IKZF3: variants seen among roughly 807,000 people sequenced by gnomAD.
IKZF3 encodes zinc finger protein Aiolos.
A neutral mutation model predicts 49.0 loss-of-function variants in IKZF3; 10 were observed. The ratio of observed to expected loss-of-function variants is 0.20; its 90% CI spans 0.13 to 0.35. The LOEUF is 0.35. IKZF3 is among the 10% of genes least tolerant of loss of function. The pLI, the probability that IKZF3 is intolerant of heterozygous loss-of-function variation, is 1.00. For missense variants in IKZF3, 498 were observed against 664.8 expected (o/e 0.75, Z 2.76); for synonymous variants, 209 against 228.2 (o/e 0.92, Z 0.76).
chr17:39,850,801 A>C (rs1413361271), intron 1 of IKZF3, among the ~76,000 whole-genome samples: 5 of 125,698 alleles, frequency 4.0e-5, no homozygotes, highest in Admixed American at 1.7e-4. Flanking sequence ...CTAATATGCT[A>C]TATAGTATAT....
intron 1 of IKZF3, chr17:39,836,010 C>A: frequency 1.6e-6 from 1 of 638,236 alleles, no homozygotes; most frequent in South Asian, 1.5e-5. Flanking sequence ...CATGCTGCTC[C>A]AAGCTGTCTT....
intron 5 of IKZF3, 129 bp from the exon 6 acceptor site, chr17:39,788,503 T>C: frequency 3.2e-6 from 2 of 629,410 alleles, no homozygotes; most frequent in South Asian, 1.9e-5. Flanking sequence ...TGGATACTTT[T>C]GAATCTATAT....
In IKZF3 at chr17:39,763,505, A is replaced by G. The variant is rs993768529; in HGVS notation, c.*2285T>C. On this transcript the variant is annotated 3_prime_UTR_variant, in exon 8 of 8. Coordinates refer to ENST00000346872, the MANE Select transcript of IKZF3 (RefSeq NM_012481.5). Reference sequence around the variant, plus strand: ...TAATTTCTTAAAAAGTAAAAAAAAAAAGAAGGCTTTGGCAAACAGCTGCAT... The same window carrying G: ...TAATTTCTTAAAAAGTAAAAAAAAAGAGAAGGCTTTGGCAAACAGCTGCAT... 4.6e-5 allele frequency: 7 copies of G among 152,190 alleles called. No individual in the cohort carries two copies. Among genetic ancestry groups the G allele is most frequent in the African/African-American group, 7.2e-5 (3 of 41,432 alleles). 9.4% of individuals were successfully genotyped at this position (152,190 alleles called of 1,614,324 possible).
chr17:39,790,405 G>T (rs754697007), intron 5 of IKZF3, among the ~76,000 whole-genome samples: 8 of 152,168 alleles, frequency 5.3e-5, no homozygotes, highest in Non-Finnish European at 1.0e-4. Context: ...AGCTGTAAAA[G>T]AGAGAAACCC....
rs1396768376 is a variant in IKZF3, at chr17:39,765,245, G to A, written c.*545C>T. On this transcript the variant is annotated 3_prime_UTR_variant, in exon 8 of 8. Coordinates refer to ENST00000346872, the MANE Select transcript of IKZF3 (RefSeq NM_012481.5). ...GAAATGGATCTGATGCTTGGAGAAT[G>A]GGGTCTTCAGTTACTCGTAACAGAT... is the stretch of plus-strand genomic sequence containing the variant. The A allele has an allele frequency of 2.6e-5, 4 of 152,410 alleles. No individual in the cohort carries two copies. The highest frequency in any genetic ancestry group is 4.4e-5 in the Non-Finnish European group (3 of 68,128). 9.4% of individuals were successfully genotyped at this position (152,410 alleles called of 1,614,324 possible).
chr17:39,771,682 G>A (rs1007966297), intron 7 of IKZF3, among the ~76,000 whole-genome samples: 2 of 152,176 alleles, frequency 1.3e-5, no homozygotes. Context: ...GGAGTGCAGA[G>A]GGAGGATGGA....
rs28627663 is a variant in IKZF3 at position 39,842,995 on chromosome 17, C to T, written c.8-10844G>A. ...CACAAATCAAACCATAAAGAAACAA[C>T]CAAACTCGAATTTGCAGGGATAGTT... On this transcript the variant is annotated intron_variant, in intron 1 of 7. Coordinates refer to ENST00000346872, the MANE Select transcript of IKZF3 (RefSeq NM_012481.5). Among the ~76,000 whole-genome samples, 656 of 152,236 alleles carry T rather than the reference C, an allele frequency of 4.3e-3. 3 individuals are homozygous for T. The highest frequency in any genetic ancestry group is 0.015 in the African/African-American group (613 of 41,524).
At chr17:39,779,044 A>G (rs1161656553) in intron 6 of IKZF3, among the ~76,000 whole-genome samples, 1 of 152,258 alleles carries the variant, frequency 6.6e-6, no homozygotes, top group Admixed American at 6.5e-5. Context: ...TTTAAAATGC[A>G]GCCAGAATTG....
chr17:39,835,249 C>A (rs1282935287), intron 1 of IKZF3: 5 of 540,218 alleles, frequency 9.3e-6, no homozygotes, highest in African/African-American at 1.9e-5. Context: ...CTGTAGGTGG[C>A]GATCTCAATG....
intron 3 of IKZF3, among the ~76,000 whole-genome samples, chr17:39,793,220 G>C (rs920442999): frequency 6.6e-6 from 1 of 152,180 alleles, no homozygotes; most frequent in Non-Finnish European, 1.5e-5. Context: ...GCTCAAAGTG[G>C]CCATGAAACA....
At chr17:39,835,227 T>A in intron 1 of IKZF3, 1 of 527,190 alleles carries the variant, frequency 1.9e-6, no homozygotes, top group Non-Finnish European at 3.7e-6. Context: ...CTCCTTGCCC[T>A]CCAGCAACTT....
chr17:39,822,335 A>G (rs2061831772), intron 3 of IKZF3, among the ~76,000 whole-genome samples: 1 of 152,136 alleles, frequency 6.6e-6, no homozygotes, highest in African/African-American at 2.4e-5. Context: ...AGTGGGAGGT[A>G]AATGAATCAT....
rs1048795085 is a variant in IKZF3 at position 39,853,868 on chromosome 17, G to A, written c.7+10252C>T. 3.6e-4 allele frequency among the ~76,000 whole-genome samples: 54 copies of A among 150,228 alleles called. 1 individual carries two copies. Among genetic ancestry groups the A allele is most frequent in the Non-Finnish European group, 5.3e-4 (36 of 67,646 alleles). ...AAAAAGGAAGAACACGGTGGCTCAC[G>A]CCTGTAATCCCAGCACTTTGGGAGG... is the stretch of plus-strand genomic sequence containing the variant. On this transcript the variant is annotated intron_variant, in intron 1 of 7. Coordinates refer to ENST00000346872, the MANE Select transcript of IKZF3 (RefSeq NM_012481.5).
chr17:39,782,993 T>C (rs2060782626), intron 6 of IKZF3, among the ~76,000 whole-genome samples: 1 of 152,246 alleles, frequency 6.6e-6, no homozygotes, highest in Admixed American at 6.5e-5. Flanking sequence ...TCTTAATATT[T>C]GGTTTTAGTT....
chr17:39,829,372 C>G lies in IKZF3; in HGVS notation c.163+15G>C, dbSNP rs2062043770. 6.4e-7 allele frequency: 1 copy of G among 1,572,710 alleles called. No homozygotes were observed. The highest frequency in any genetic ancestry group is 1.3e-5 in the African/African-American group (1 of 74,166). On this transcript the variant is annotated intron_variant, in intron 3 of 7. Transcript: ENST00000346872. ...TCTACAGGCATCAGTGTTTAGTCTG[C>G]ACACTACGGCTCACCTCCTATGTCT...
chr17:39,845,892 A>C, intron 1 of IKZF3, among the ~76,000 whole-genome samples: 1 of 152,232 alleles, frequency 6.6e-6, no homozygotes, highest in African/African-American at 2.4e-5. Context: ...TCAGAGGGTA[A>C]AAATATCGAC....
Position 39,765,722 on chromosome 17 carries a change from G to A in IKZF3, c.*68C>T, listed in dbSNP as rs773644338. ...ACTGAGTATGTTTTGAGAGCAATCTGTTAGGCGAGGTCATTGGTTTTTAGA... is the reference window on the plus strand; with the variant it reads ...ACTGAGTATGTTTTGAGAGCAATCTATTAGGCGAGGTCATTGGTTTTTAGA... On this transcript the variant is annotated 3_prime_UTR_variant, in exon 8 of 8. Transcript: ENST00000346872. The A allele has an allele frequency of 2.8e-5, 34 of 1,209,270 alleles. No homozygotes were observed. Among genetic ancestry groups the A allele is most frequent in the Non-Finnish European group, 3.9e-5 (33 of 848,790 alleles). The allele number at this position is 1,209,270 out of a possible 1,614,324, so 74.9% of individuals were successfully genotyped here.
chr17:39,817,577 TAC>T (rs2061705793), intron 3 of IKZF3, among the ~76,000 whole-genome samples: 1 of 152,182 alleles, frequency 6.6e-6, no homozygotes, highest in African/African-American at 2.4e-5. Flanking sequence ...TAGCTGGGAC[TAC>T]AGTCTTGTGT....
In IKZF3 at chr17:39,765,936, G is replaced by A. The variant is rs1209605844; in HGVS notation, c.1384C>T (p.Leu462=). 1 of 1,614,146 alleles carries A rather than the reference G, an allele frequency of 6.2e-7. No homozygotes were observed. The highest frequency in any genetic ancestry group is 8.5e-7 in the Non-Finnish European group (1 of 1,180,058). Residue 462 remains leucine (L), a synonymous_variant, in exon 8 of 8, where the codon CTG becomes TTG. Coordinates refer to ENST00000346872, the MANE Select transcript of IKZF3 (RefSeq NM_012481.5). ...YRCDHCRVLF[L]DYVMFTIHMG... ...TGAATCGTGAACATCACATAGTCCAGGAAGAGGACGCGGCAGTGGTCACAC... is the reference window on the plus strand; with the variant it reads ...TGAATCGTGAACATCACATAGTCCAAGAAGAGGACGCGGCAGTGGTCACAC...
Sources: allele counts gnomAD v4.1 joint callset (sites outside exome capture counted in the v4.1 genomes callset), GRCh38; gene constraint gnomAD v4.1.1; transcripts MANE v1.5; gene names NCBI Gene and HGNC (gene_info 2026-07-23, HGNC 2026-07-21).